The following LRFN2 variants were observed in gnomAD, a reference collection of about 807,000 sequenced individuals.
The protein encoded by LRFN2 is leucine-rich repeat and fibronectin type-III domain-containing protein 2.
In LRFN2, 18 loss-of-function variants were observed where a neutral mutation model predicts 37.3. The observed-to-expected ratio is 0.48, with a 90% confidence interval of 0.33 to 0.72. The LOEUF (loss-of-function observed/expected upper bound fraction) is 0.72, where lower values mean the gene tolerates loss of function less well. Ranked by LOEUF, LRFN2 falls within the 30% of genes least tolerant of loss-of-function variation. The pLI is 0.02. For synonymous variants in LRFN2, 556 were observed against 466.6 expected, an observed-to-expected ratio of 1.19 and a Z score of -2.47; for missense variants, 1,006 against 1,060.7, an observed-to-expected ratio of 0.95 and a Z score of 0.72.
intron 1 of LRFN2, among the ~76,000 whole-genome samples, chr6:40,548,677 G>C (rs1436616800): frequency 2.0e-5 from 3 of 152,310 alleles, no homozygotes; most frequent in Non-Finnish European, 2.9e-5. Context: ...GTGATTGAGA[G>C]GAATATATAG....
chr6:40,391,881 C>T lies in LRFN2; in HGVS notation c.*62G>A. ...CCATGGAAACTCCACAAACACTTGC[C>T]AGTGAGATTCTTTCCCCTTCTCCCA... On this transcript the variant is annotated 3_prime_UTR_variant, in exon 3 of 3. Transcript: ENST00000338305. The T allele has an allele frequency of 6.9e-7, 1 of 1,455,658 alleles. No homozygotes were observed. The highest frequency in any genetic ancestry group is 1.4e-5 in the South Asian group (1 of 69,762). 90.2% of individuals were successfully genotyped at this position (1,455,658 alleles called of 1,614,324 possible).
chr6:40,564,861 C>T (rs1283291522), intron 1 of LRFN2, among the ~76,000 whole-genome samples: 1 of 152,130 alleles, frequency 6.6e-6, no homozygotes, highest in Non-Finnish European at 1.5e-5. Context: ...GTGATCATAT[C>T]CTCCAACCCC....
intron 2 of LRFN2, among the ~76,000 whole-genome samples, chr6:40,413,677 G>A (rs1763024046): frequency 6.6e-6 from 1 of 152,214 alleles, no homozygotes; most frequent in Non-Finnish European, 1.5e-5. Flanking sequence ...GCCTGCCTCA[G>A]ATGGAATCCC....
At chr6:40,483,640 C>T (rs149556012) in intron 1 of LRFN2, among the ~76,000 whole-genome samples, 5 of 152,304 alleles carry the variant, frequency 3.3e-5, no homozygotes, top group East Asian at 3.9e-4. Flanking sequence ...TTGCTGTCCC[C>T]ATTTTATCTC....
intron 2 of LRFN2, among the ~76,000 whole-genome samples, chr6:40,428,855 CT>C (rs1249509757): frequency 2.0e-5 from 3 of 152,258 alleles, no homozygotes; most frequent in Middle Eastern, 3.4e-3. Context: ...GGAAATTTGT[CT>C]TCTTAAAGAG....
intron 1 of LRFN2, among the ~76,000 whole-genome samples, chr6:40,536,543 C>T (rs1444812270): frequency 6.6e-6 from 1 of 152,136 alleles, no homozygotes; most frequent in Non-Finnish European, 1.5e-5. Context: ...GACTGAAGGG[C>T]CTGGGACTAC....
chr6:40,504,493 C>G (rs1187167121), intron 1 of LRFN2, among the ~76,000 whole-genome samples: 2 of 152,112 alleles, frequency 1.3e-5, no homozygotes, highest in African/African-American at 4.8e-5. Flanking sequence ...ATGAGGAAAT[C>G]AGGATGGTCA....
intron 1 of LRFN2, among the ~76,000 whole-genome samples, chr6:40,503,746 G>T (rs981206701): frequency 1.3e-5 from 2 of 152,304 alleles, no homozygotes; most frequent in South Asian, 4.1e-4. Context: ...GATTCAGGGC[G>T]TGCCATTGGA....
chr6:40,411,372 C>T (rs369480456), intron 2 of LRFN2, among the ~76,000 whole-genome samples: 3 of 152,244 alleles, frequency 2.0e-5, no homozygotes, highest in African/African-American at 4.8e-5. Context: ...CGTGTAGGTA[C>T]GTATGTGAGT....
chr6:40,480,914 C>A (rs1188050280), intron 1 of LRFN2, among the ~76,000 whole-genome samples: 1 of 152,164 alleles, frequency 6.6e-6, no homozygotes, highest in African/African-American at 2.4e-5. Context: ...TTCTGAAATT[C>A]ATAATAGCTA....
At chr6:40,505,887 G>A (rs887948381) in intron 1 of LRFN2, among the ~76,000 whole-genome samples, 14 of 152,228 alleles carry the variant, frequency 9.2e-5, no homozygotes, top group Non-Finnish European at 1.5e-4. Flanking sequence ...TCCAAGGCAC[G>A]TGGAGATGGG....
At position 40,432,013 on chromosome 6, in the gene LRFN2, C is replaced by G; in HGVS notation, c.1101G>C (p.Glu367Asp). The G allele has an allele frequency of 1.9e-6, 3 of 1,613,888 alleles. No homozygotes were observed. The highest frequency in any genetic ancestry group is 2.5e-6 in the Non-Finnish European group (3 of 1,180,042). The change falls in exon 2 of 3, where the codon GAG (glutamate) becomes GAC (aspartate). Residue 367 changes from glutamate to aspartate, a missense_variant. Around this residue, in one of 4 missense-constraint regions of LRFN2, gnomAD observed 303 missense variants for 299.8 expected, o/e 1.01. Transcript: ENST00000338305. ...TGGAGACCTCCACCATGGCCGTGGC[C>G]TCTCCGGCAGCATTGGCAGCAATGC... Reference protein sequence around the residue: ...FTCIAANAAGEATAMVEVSIV... With the variant: ...FTCIAANAAGDATAMVEVSIV...
chr6:40,432,173 C>G lies in LRFN2; in HGVS notation c.941G>C (p.Gly314Ala), dbSNP rs1312952825. The G allele has an allele frequency of 6.2e-7, 1 of 1,613,840 alleles. No individual in the cohort carries two copies. Among genetic ancestry groups the G allele is most frequent in the South Asian group, 1.1e-5 (1 of 91,090 alleles). The change falls in exon 2 of 3, where the codon GGG (glycine) becomes GCG (alanine). Residue 314 changes from glycine (G) to alanine (A), a missense_variant. Physicochemically the swap from Gly to Ala is moderately conservative, Grantham distance 60 (BLOSUM62 0). This residue lies in a region of LRFN2 where 303 missense variants were observed against 299.8 expected (regional missense o/e 1.01). Transcript: ENST00000338305. ...QAATLKCKAI[G>A]DPSPLIHWVA... ...CCAGTGGATAAGGGGGCTGGGGTCCCCAATGGCTTTGCACTTGAGTGTGGC... is the reference window on the plus strand; with the variant it reads ...CCAGTGGATAAGGGGGCTGGGGTCCGCAATGGCTTTGCACTTGAGTGTGGC...
At chr6:40,524,394 C>T (rs1467208442) in intron 1 of LRFN2, among the ~76,000 whole-genome samples, 1 of 135,196 alleles carries the variant, frequency 7.4e-6, no homozygotes, top group Admixed American at 7.5e-5. Flanking sequence ...CCACCCCCGA[C>T]CCGCCACACC....
chr6:40,449,848 T>C (rs947483177), intron 1 of LRFN2, among the ~76,000 whole-genome samples: 1 of 152,194 alleles, frequency 6.6e-6, no homozygotes, highest in Non-Finnish European at 1.5e-5. Flanking sequence ...CACCCAAATA[T>C]AGACCTTATC....
chr6:40,542,335 G>C (rs142991999), intron 1 of LRFN2, among the ~76,000 whole-genome samples: 310 of 152,224 alleles, frequency 2.0e-3, no homozygotes, highest in African/African-American at 7.2e-3. Context: ...GTGGCAGCAG[G>C]GGGTCATTAA....
intron 1 of LRFN2, among the ~76,000 whole-genome samples, chr6:40,500,956 T>C (rs1765367898): frequency 1.3e-5 from 2 of 151,426 alleles, no homozygotes; most frequent in South Asian, 4.1e-4. Context: ...TTTCACTTTT[T>C]TTTTTTTTTG....
At chr6:40,433,223 T>A in intron 1 of LRFN2, 92 bp from the exon 2 acceptor site, 3 of 1,085,668 alleles carry the variant, frequency 2.8e-6, no homozygotes, top group Non-Finnish European at 3.8e-6. Context: ...CTCACTGCCT[T>A]AGGGAGTGGC....
intron 1 of LRFN2, among the ~76,000 whole-genome samples, chr6:40,506,420 A>T (rs1296761822): frequency 6.6e-6 from 1 of 152,222 alleles, no homozygotes; most frequent in Non-Finnish European, 1.5e-5. Context: ...AGAAAAAAAT[A>T]TAAGGATACC....
Sources: gnomAD v4.1 joint callset for allele counts (sites outside exome capture counted in the v4.1 genomes callset) on GRCh38, gnomAD v4.1.1 for gene constraint, gnomAD v4.1.1 regional missense constraint, MANE v1.5 for transcripts, NCBI Gene and HGNC (gene_info 2026-07-23, HGNC 2026-07-21) for gene names.